CACNA2D1: variants seen among roughly 807,000 people sequenced by gnomAD.
CACNA2D1 encodes the protein voltage-dependent calcium channel subunit alpha-2/delta-1.
CACNA2D1 carries 53 observed loss-of-function variants against 171.5 expected under a neutral mutation model. The ratio of observed to expected loss-of-function variants is 0.31; its 90% confidence interval spans 0.25 to 0.39. The LOEUF is 0.39. Among genes scored for constraint, CACNA2D1 ranks in the 10% least tolerant of loss-of-function variants. The pLI, the probability that CACNA2D1 is intolerant of heterozygous loss-of-function variation, is 1.00. For synonymous variants in CACNA2D1, 442 were observed against 443.1 expected, an observed-to-expected ratio of 1.00 and a Z score of 0.03; for missense variants, 903 against 1,299.8, an observed-to-expected ratio of 0.69 and a Z score of 4.69.
chr7:82,348,623 T>G (rs2129445756), intron 2 of CACNA2D1, among the ~76,000 whole-genome samples: 1 of 152,296 alleles, frequency 6.6e-6, no homozygotes, highest in African/African-American at 2.4e-5. Flanking sequence ...GGTATAATTT[T>G]TTGAAGTTTG....
At chr7:82,179,686 G>A (rs956990227) in intron 3 of CACNA2D1, among the ~76,000 whole-genome samples, 3 of 152,124 alleles carry the variant, frequency 2.0e-5, no homozygotes, top group African/African-American at 7.2e-5. Flanking sequence ...AAACAGCTCT[G>A]CCACTTATGA....
chr7:82,075,495 G>C (rs1808857172), intron 7 of CACNA2D1, among the ~76,000 whole-genome samples: 1 of 152,148 alleles, frequency 6.6e-6, no homozygotes, highest in African/African-American at 2.4e-5. Context: ...AGGATTTACT[G>C]GGAAATGATG....
At chr7:82,384,952 T>A (rs1824164067) in intron 1 of CACNA2D1, among the ~76,000 whole-genome samples, 1 of 152,208 alleles carries the variant, frequency 6.6e-6, no homozygotes, top group Admixed American at 6.5e-5. Context: ...ATAAATCACA[T>A]TAATGTATTG....
At position 82,213,244 on chromosome 7, in the gene CACNA2D1, A is replaced by G. The variant is rs76632236; in HGVS notation, c.295-42635T>C. ...GTAATATTCTAGAGTGTTTTTCAAA[A>G]AGACAACTATATAATATGATAAACT... On this transcript the variant is annotated intron_variant, in intron 3 of 38. Coordinates refer to ENST00000356860, the MANE Select transcript of CACNA2D1 (RefSeq NM_000722.4). 4.4e-3 allele frequency among the ~76,000 whole-genome samples: 663 copies of G among 152,274 alleles called. 12 individuals are homozygous for G. The East Asian group carries it at 0.072, about 17-fold the overall frequency.
intron 1 of CACNA2D1, among the ~76,000 whole-genome samples, chr7:82,393,746 T>A (rs1563484694): frequency 6.6e-6 from 1 of 152,208 alleles, no homozygotes; most frequent in African/African-American, 2.4e-5. Flanking sequence ...AGGATAAAAC[T>A]CTTAAAACAT....
At chr7:82,253,950 C>CT (rs1430806738) in intron 3 of CACNA2D1, among the ~76,000 whole-genome samples, 1 of 152,050 alleles carries the variant, frequency 6.6e-6, no homozygotes, top group Non-Finnish European at 1.5e-5. Flanking sequence ...AGATTCTGTG[C>CT]TTGAGGAGTG....
intron 2 of CACNA2D1, among the ~76,000 whole-genome samples, chr7:82,341,512 C>T (rs1166021416): frequency 6.6e-6 from 1 of 152,152 alleles, no homozygotes; most frequent in African/African-American, 2.4e-5. Context: ...TAATTAGTCC[C>T]TGATCTCTTC....
In CACNA2D1 at chr7:82,170,544, T is replaced by A; in HGVS notation, c.354+6A>T. The A allele has an allele frequency of 1.9e-6, 3 of 1,610,412 alleles. No homozygotes were observed. Among genetic ancestry groups the A allele is most frequent in the Non-Finnish European group, 2.5e-6 (3 of 1,177,038 alleles). ...TTTAAATCAAGTAGTTAAAAGGGGT[T>A]CTTACTGCAAAATCTTCTCTCCACT... is the stretch of plus-strand genomic sequence containing the variant. On this transcript the variant is annotated splice_donor_region_variant and intron_variant, in intron 4 of 38. Transcript: ENST00000356860.
intron 1 of CACNA2D1, among the ~76,000 whole-genome samples, chr7:82,372,582 G>A (rs1378290962): frequency 2.0e-5 from 3 of 151,812 alleles, no homozygotes; most frequent in Non-Finnish European, 2.9e-5. Flanking sequence ...ATCTAATATT[G>A]TATAAAATTT....
Position 81,974,554 on chromosome 7 carries a change from T to TAA in CACNA2D1, c.1956-3_1956-2insTT. 2 of 1,394,462 alleles carry TAA rather than the reference T, an allele frequency of 1.4e-6. No homozygotes were observed. Among genetic ancestry groups the TAA allele is most frequent in the Non-Finnish European group, 2.0e-6 (2 of 993,092 alleles). The allele number at this position is 1,394,462 out of a possible 1,614,324, so 86.4% of individuals were successfully genotyped here. On this transcript the variant is annotated splice_polypyrimidine_tract_variant and splice_region_variant and intron_variant, in intron 24 of 38. Transcript: ENST00000356860. ...ATTTTCAGGTCATTGCAGTAATCTC[T>TAA]GAAAAAAAAACATTTTGAGATATTA...
At chr7:82,010,420 C>T (rs1299255687) in intron 15 of CACNA2D1, among the ~76,000 whole-genome samples, 1 of 149,762 alleles carries the variant, frequency 6.7e-6, no homozygotes, top group African/African-American at 2.5e-5. Context: ...TAGCACAGCA[C>T]ATTTAGAACC....
Position 82,369,959 on chromosome 7 carries a change from T to A in CACNA2D1, c.96-20310A>T, listed in dbSNP as rs185998075. On this transcript the variant is annotated intron_variant, in intron 1 of 38. Coordinates refer to ENST00000356860, the MANE Select transcript of CACNA2D1 (RefSeq NM_000722.4). ...TTAACAGATGATGGCAAAAGCGGCC[T>A]AATCATTTCAATAAATGTCCCCCAA... Among the ~76,000 whole-genome samples the A allele has an allele frequency of 1.4e-4, 21 of 152,244 alleles. 1 individual carries two copies. The East Asian group carries it at 3.9e-3, about 28-fold the overall frequency.
chr7:82,273,794 A>T (rs1272048846), intron 3 of CACNA2D1, among the ~76,000 whole-genome samples: 1 of 152,174 alleles, frequency 6.6e-6, no homozygotes, highest in Non-Finnish European at 1.5e-5. Context: ...GCCTGCATAC[A>T]GGTGCACGTG....
chr7:82,122,872 T>C (rs2129059317), intron 5 of CACNA2D1, among the ~76,000 whole-genome samples: 1 of 152,332 alleles, frequency 6.6e-6, no homozygotes, highest in South Asian at 2.1e-4. Context: ...AATATACTTT[T>C]CAAAATATTG....
intron 5 of CACNA2D1, among the ~76,000 whole-genome samples, chr7:82,118,706 A>T (rs1343587415): frequency 1.3e-5 from 2 of 152,096 alleles, no homozygotes; most frequent in African/African-American, 4.8e-5. Flanking sequence ...AATTCATCTT[A>T]TGGAGGCTCT....
chr7:81,997,323 G>A, intron 18 of CACNA2D1, 73 bp from the exon 19 acceptor site: 1 of 993,582 alleles, frequency 1.0e-6, no homozygotes. Flanking sequence ...CAATTTAACG[G>A]GTATTTATGA....
intron 3 of CACNA2D1, among the ~76,000 whole-genome samples, chr7:82,259,015 G>A (rs1466508586): frequency 2.0e-5 from 3 of 151,886 alleles, no homozygotes; most frequent in African/African-American, 7.2e-5. Flanking sequence ...TTTTAGTAAA[G>A]ACAAAGTTTC....
intron 24 of CACNA2D1, among the ~76,000 whole-genome samples, 159 bp downstream of exon 24, chr7:81,982,408 T>C (rs1796534195): frequency 6.6e-6 from 1 of 152,158 alleles, no homozygotes; most frequent in African/African-American, 2.4e-5. Flanking sequence ...AGTAAAGAAA[T>C]GAATAAATAA....
intron 3 of CACNA2D1, among the ~76,000 whole-genome samples, chr7:82,222,079 G>GA (rs1474396971): frequency 3.3e-5 from 5 of 152,040 alleles, no homozygotes; most frequent in South Asian, 4.1e-4. Flanking sequence ...ATTGTTAAAA[G>GA]AAAAAAATAA....
Sources: gnomAD v4.1 joint callset for allele counts (sites outside exome capture counted in the v4.1 genomes callset) on GRCh38, gnomAD v4.1.1 for gene constraint, MANE v1.5 for transcripts, NCBI Gene and HGNC (gene_info 2026-07-23, HGNC 2026-07-21) for gene names.